Variants in SNTB1 observed in about 807,000 individuals in gnomAD.
SNTB1 encodes syntrophin beta 1.
A neutral mutation model predicts 48.9 loss-of-function variants in SNTB1; 36 were observed. The observed-to-expected ratio is 0.74, with a 90% CI of 0.56 to 0.97. The LOEUF (loss-of-function observed/expected upper bound fraction) is 0.97. Ranked by LOEUF, SNTB1 falls within the 50% of genes least tolerant of loss-of-function variation. The pLI is 0.00. For synonymous variants in SNTB1, 299 were observed against 294.6 expected (o/e 1.01, Z -0.15); for missense variants, 786 against 703.4 (o/e 1.12, Z -1.33).
At chr8:120,758,085 C>T (rs1216790963) in intron 1 of SNTB1, among the ~76,000 whole-genome samples, 1 of 152,016 alleles carries the variant, frequency 6.6e-6, no homozygotes, top group Non-Finnish European at 1.5e-5. Context: ...TGGGCACTTA[C>T]TATGTTCCAG....
At chr8:120,706,351 G>A (rs773629850) in intron 1 of SNTB1, among the ~76,000 whole-genome samples, 3 of 152,062 alleles carry the variant, frequency 2.0e-5, no homozygotes, top group Admixed American at 1.3e-4. Flanking sequence ...CCGGATATAC[G>A]AGTTACTGCT....
chr8:120,682,076 T>C (rs1817940381), intron 2 of SNTB1, among the ~76,000 whole-genome samples: 1 of 151,412 alleles, frequency 6.6e-6, no homozygotes, highest in African/African-American at 2.4e-5. Flanking sequence ...CAAAATATAT[T>C]CATGAGAAGG....
chr8:120,578,143 C>T (rs992283536), intron 3 of SNTB1, among the ~76,000 whole-genome samples: 1 of 152,016 alleles, frequency 6.6e-6, no homozygotes, highest in African/African-American at 2.4e-5. Context: ...ACGCCATTCT[C>T]CTGCCTCAGC....
chr8:120,778,213 C>A (rs542283829), intron 1 of SNTB1, among the ~76,000 whole-genome samples: 5 of 152,156 alleles, frequency 3.3e-5, no homozygotes, highest in South Asian at 2.1e-4. Context: ...CCTTCCTGTT[C>A]CCAGGAACAT....
chr8:120,575,832 T>G (rs1331732018), intron 3 of SNTB1, among the ~76,000 whole-genome samples: 1 of 152,172 alleles, frequency 6.6e-6, no homozygotes, highest in Non-Finnish European at 1.5e-5. Flanking sequence ...GACAGGAATG[T>G]GAAAGGATTG....
chr8:120,710,245 G>A (rs78410849), intron 1 of SNTB1, among the ~76,000 whole-genome samples: 1 of 152,180 alleles, frequency 6.6e-6, no homozygotes. Flanking sequence ...GAAGAAGGGG[G>A]CGGAGGTTGT....
intron 3 of SNTB1, among the ~76,000 whole-genome samples, chr8:120,605,079 T>G (rs566200733): frequency 6.6e-6 from 1 of 152,292 alleles, no homozygotes; most frequent in Non-Finnish European, 1.5e-5. Context: ...TGGTCCTGAA[T>G]TGGTCACTGC....
intron 1 of SNTB1, among the ~76,000 whole-genome samples, chr8:120,739,972 A>G (rs1317114261): frequency 6.6e-6 from 1 of 152,090 alleles, no homozygotes; most frequent in East Asian, 1.9e-4. Flanking sequence ...GCCATACATG[A>G]CCCCATGTTC....
At chr8:120,573,094 T>C (rs1282233533) in intron 4 of SNTB1, among the ~76,000 whole-genome samples, 1 of 152,176 alleles carries the variant, frequency 6.6e-6, no homozygotes, top group African/African-American at 2.4e-5. Flanking sequence ...TTTGGAGAAA[T>C]CTCCATACTG....
chr8:120,614,642 G>C (rs987527115), intron 3 of SNTB1, among the ~76,000 whole-genome samples: 2 of 152,140 alleles, frequency 1.3e-5, no homozygotes, highest in Admixed American at 1.3e-4. Context: ...TCAACAGCAG[G>C]GCTGGACATC....
At chr8:120,723,432 A>G (rs1265437550) in intron 1 of SNTB1, among the ~76,000 whole-genome samples, 1 of 152,234 alleles carries the variant, frequency 6.6e-6, no homozygotes, top group Non-Finnish European at 1.5e-5. Flanking sequence ...TTTTGAAGGC[A>G]AAAAACGTGG....
At chr8:120,656,881 T>C (rs1017372784) in intron 2 of SNTB1, among the ~76,000 whole-genome samples, 1 of 152,136 alleles carries the variant, frequency 6.6e-6, no homozygotes, top group African/African-American at 2.4e-5. Context: ...GAAAAAGGTA[T>C]AGAAAATAAA....
intron 1 of SNTB1, among the ~76,000 whole-genome samples, chr8:120,780,627 T>A (rs1182487297): frequency 6.6e-6 from 1 of 152,246 alleles, no homozygotes; most frequent in Non-Finnish European, 1.5e-5. Context: ...GTTTCAACTC[T>A]GTTTTCTCTC....
chr8:120,657,883 C>T (rs928736806), intron 2 of SNTB1, among the ~76,000 whole-genome samples: 2 of 152,212 alleles, frequency 1.3e-5, no homozygotes, highest in African/African-American at 4.8e-5. Flanking sequence ...AACAAGCACA[C>T]ACTTTCTTAA....
intron 1 of SNTB1, among the ~76,000 whole-genome samples, chr8:120,763,825 A>G (rs187180645): frequency 0.023 from 3,488 of 151,882 alleles, 132 homozygotes; most frequent in African/African-American, 0.08. Flanking sequence ...ACACCAAAAT[A>G]TTTGTTTGTT....
In SNTB1 at chr8:120,811,290, T is replaced by G; in HGVS notation, c.554A>C (p.Lys185Thr). 1 of 1,603,684 alleles carries G rather than the reference T, an allele frequency of 6.2e-7. No homozygotes were observed. The highest frequency in any genetic ancestry group is 8.5e-7 in the Non-Finnish European group (1 of 1,178,550). Residue 185 changes from lysine (K) to threonine (T), a missense_variant, in exon 1 of 7, where the codon AAG (lysine) becomes ACG (threonine). Lys to Thr is a moderately conservative substitution (Grantham distance 78). Transcript: ENST00000517992. ...CCCCTTACCTTCCAGCAGCACTTCC[T>G]TGCCCGCGCGCTTCAACGCCTGCAC... is the stretch of plus-strand genomic sequence containing the variant. ...EAVQALKRAG[K>T]EVLLEVKYMR... is the part of the protein sequence containing the mutation.
intron 3 of SNTB1, among the ~76,000 whole-genome samples, chr8:120,624,383 T>G (rs999462057): frequency 5.3e-5 from 8 of 152,194 alleles, no homozygotes; most frequent in Non-Finnish European, 8.8e-5. Context: ...AGCATGCACA[T>G]GAGAGAATCT....
chr8:120,651,197 A>G (rs935979364), intron 2 of SNTB1, among the ~76,000 whole-genome samples: 1 of 152,086 alleles, frequency 6.6e-6, no homozygotes, highest in Non-Finnish European at 1.5e-5. Context: ...CTATAGTCCA[A>G]CTCCCTTCCA....
intron 4 of SNTB1, among the ~76,000 whole-genome samples, chr8:120,555,942 T>G (rs982269632): frequency 9.2e-5 from 14 of 152,182 alleles, no homozygotes; most frequent in African/African-American, 3.4e-4. Flanking sequence ...AAATCAATCC[T>G]GACAGCACCG....
Sources: gnomAD v4.1 joint callset for allele counts (sites outside exome capture counted in the v4.1 genomes callset) on GRCh38, gnomAD v4.1.1 for gene constraint, MANE v1.5 for transcripts, NCBI Gene and HGNC (gene_info 2026-07-23, HGNC 2026-07-21) for gene names.